The following AUTS2 variants were observed in gnomAD, a reference collection of about 807,000 sequenced individuals.
AUTS2 encodes activator of transcription and developmental regulator AUTS2, also known as autism susceptibility gene 2 protein.
Under a neutral mutation model 112.4 loss-of-function variants are expected in AUTS2, and 17 were observed. That is an observed-to-expected ratio of 0.15 (90% CI 0.10 to 0.23). The LOEUF is 0.23. Among genes scored for constraint, AUTS2 ranks in the 10% least tolerant of loss-of-function variants. AUTS2 has a pLI of 1.00. For missense variants in AUTS2, 1,510 were observed against 1,701.6 expected (o/e 0.89, Z 1.98); for synonymous variants, 751 against 702.7 (o/e 1.07, Z -1.09).
chr7:70,082,790 G>A lies in AUTS2; in HGVS notation c.523-35342G>A, dbSNP rs574215956. Among the ~76,000 whole-genome samples the A allele has an allele frequency of 7.9e-5, 12 of 152,094 alleles. No homozygotes were observed. In the East Asian group the frequency reaches 1.2e-3, roughly 15 times the overall value. ...GTACCTTCTTGCCTCCTATTCAGCC[G>A]TTAACTGTTTTGTACTGACTTGGTC... On this transcript the variant is annotated intron_variant, in intron 2 of 18. Transcript: ENST00000342771.
intron 10 of AUTS2, among the ~76,000 whole-genome samples, chr7:70,768,595 C>CACTT (rs1430746947): frequency 6.6e-6 from 1 of 152,030 alleles, no homozygotes; most frequent in Non-Finnish European, 1.5e-5. Flanking sequence ...GTAAAAATAT[C>CACTT]ACTTAATTAA....
intron 1 of AUTS2, among the ~76,000 whole-genome samples, chr7:69,685,480 C>A (rs556776631): frequency 6.6e-6 from 1 of 152,256 alleles, no homozygotes; most frequent in East Asian, 1.9e-4. Flanking sequence ...GTTTGGCCAC[C>A]ATCTAGTCTT....
chr7:70,601,220 A>G (rs1803457211), intron 5 of AUTS2, among the ~76,000 whole-genome samples: 2 of 152,244 alleles, frequency 1.3e-5, no homozygotes, highest in South Asian at 4.1e-4. Context: ...ATTCTAGTGA[A>G]TGTGAAGTGG....
At chr7:70,470,117 C>A (rs1296495254) in intron 5 of AUTS2, among the ~76,000 whole-genome samples, 3 of 152,200 alleles carry the variant, frequency 2.0e-5, no homozygotes, top group African/African-American at 7.2e-5. Context: ...GAGGAAAAAA[C>A]TAACAGTATT....
chr7:69,975,922 A>G (rs773915437), intron 2 of AUTS2, among the ~76,000 whole-genome samples: 12 of 152,114 alleles, frequency 7.9e-5, no homozygotes, highest in Non-Finnish European at 1.5e-4. Context: ...TCCTGACCTC[A>G]GGTGATCCGC....
chr7:70,709,910 C>CT (rs1809956749), intron 6 of AUTS2, among the ~76,000 whole-genome samples: 1 of 152,120 alleles, frequency 6.6e-6, no homozygotes, highest in Non-Finnish European at 1.5e-5. Context: ...GAGATTGCAT[C>CT]TGTGTAAGAA....
chr7:69,648,002 T>C (rs1795110115), intron 1 of AUTS2, among the ~76,000 whole-genome samples: 1 of 152,208 alleles, frequency 6.6e-6, no homozygotes, highest in African/African-American at 2.4e-5. Flanking sequence ...TAATCCAGTA[T>C]GCCCTCGTTT....
At position 70,791,124 on chromosome 7, in the gene AUTS2, A is replaced by C. The variant is rs946018468; in HGVS notation, c.*128A>C. On this transcript the variant is annotated 3_prime_UTR_variant, in exon 19 of 19. Transcript: ENST00000342771. The stretch of plus-strand genomic sequence containing the variant: ...AAGCCCCACCCCTTCCCCTTGTAAA[A>C]AATGTATAGACTCAGTGCACATTTT... 1.1e-6 allele frequency: 1 copy of C among 943,638 alleles called. No individual in the cohort carries two copies. The highest frequency in any genetic ancestry group is 1.4e-6 in the Non-Finnish European group (1 of 704,454). 58.5% of individuals were successfully genotyped at this position (943,638 alleles called of 1,614,324 possible). A position where few individuals can be genotyped will look rare whatever the true frequency, so the allele number is the denominator to read the frequency against.
At chr7:70,138,596 G>A (rs1806692852) in intron 4 of AUTS2, among the ~76,000 whole-genome samples, 1 of 152,064 alleles carries the variant, frequency 6.6e-6, no homozygotes, top group Non-Finnish European at 1.5e-5. Flanking sequence ...TTTCTCTTAA[G>A]GATTCTCAAC....
chr7:70,364,200 T>A (rs1480857546), intron 4 of AUTS2, among the ~76,000 whole-genome samples: 2 of 151,774 alleles, frequency 1.3e-5, no homozygotes, highest in Non-Finnish European at 2.9e-5. Flanking sequence ...GTTGTCTAGA[T>A]TGGAAAAAAA....
rs147992364 is a variant in AUTS2 at position 69,948,668 on chromosome 7, T to G, written c.522+49170T>G. Among the ~76,000 whole-genome samples, 1,044 of 152,266 alleles carry G rather than the reference T, an allele frequency of 6.9e-3. 3 individuals carry two copies. The highest frequency in any genetic ancestry group is 0.012 in the Non-Finnish European group (825 of 68,008). On this transcript the variant is annotated intron_variant, in intron 2 of 18. Coordinates refer to ENST00000342771, the MANE Select transcript of AUTS2 (RefSeq NM_015570.4). ...CTTTAACTCTTCTGTGCTAAGATTT[T>G]TATTTAAAAACAAGGAAATTGAGAC...
At chr7:70,781,927 T>C (rs1055615437) in intron 15 of AUTS2, 171 bp downstream of exon 15, 3 of 718,412 alleles carry the variant, frequency 4.2e-6, no homozygotes, top group African/African-American at 3.6e-5. Flanking sequence ...GAATCTTCAT[T>C]GATACACTCT....
In AUTS2 at chr7:70,321,038, G is replaced by A. The variant is rs537891033; in HGVS notation, c.661-114714G>A. Among the ~76,000 whole-genome samples, 6 of 152,250 alleles carry A rather than the reference G, an allele frequency of 3.9e-5. No homozygotes were observed. In the South Asian group the frequency reaches 6.2e-4, roughly 16 times the overall value. On this transcript the variant is annotated intron_variant, in intron 4 of 18. Coordinates refer to ENST00000342771, the MANE Select transcript of AUTS2 (RefSeq NM_015570.4). ...TGCTGGCGTATCTTAACAACATGACGACATTTACCAAATGAATGACTGCTT... is the reference window on the plus strand; with the variant it reads ...TGCTGGCGTATCTTAACAACATGACAACATTTACCAAATGAATGACTGCTT...
rs570773154 is a variant in AUTS2, at chr7:69,852,076, G to A, written c.310-47210G>A. Among the ~76,000 whole-genome samples, 7 of 152,166 alleles carry A rather than the reference G, an allele frequency of 4.6e-5. No individual in the cohort carries two copies. In the East Asian group the frequency reaches 1.2e-3, roughly 25 times the overall value. ...CCAAATCTGAAGTGAACAAGCATTA[G>A]GTCTTTCCCTACTAAATTTGATGTT... is the stretch of plus-strand genomic sequence containing the variant. On this transcript the variant is annotated intron_variant, in intron 1 of 18. Coordinates refer to ENST00000342771, the MANE Select transcript of AUTS2 (RefSeq NM_015570.4).
chr7:70,044,611 A>C (rs1276651351), intron 2 of AUTS2, among the ~76,000 whole-genome samples: 1 of 152,198 alleles, frequency 6.6e-6, no homozygotes, highest in East Asian at 1.9e-4. Flanking sequence ...TGGTAGGGTT[A>C]ATGTGTACTT....
intron 5 of AUTS2, among the ~76,000 whole-genome samples, chr7:70,467,338 G>T (rs534253583): frequency 9.2e-5 from 14 of 152,264 alleles, no homozygotes; most frequent in Non-Finnish European, 1.8e-4. Flanking sequence ...CTCCACAAGG[G>T]TTTAAGCTTC....
At chr7:69,700,245 A>G (rs1446866355) in intron 1 of AUTS2, among the ~76,000 whole-genome samples, 1 of 152,148 alleles carries the variant, frequency 6.6e-6, no homozygotes, top group Non-Finnish European at 1.5e-5. Flanking sequence ...ACTATGTCCA[A>G]GATCTGATAG....
In AUTS2 at chr7:70,428,749, A is replaced by G. The variant is rs376869380; in HGVS notation, c.661-7003A>G. 2.7e-4 allele frequency among the ~76,000 whole-genome samples: 41 copies of G among 152,314 alleles called. No individual in the cohort carries two copies. In the East Asian group the frequency reaches 6.0e-3, roughly 22 times the overall value. Reference sequence around the variant, plus strand: ...GGTCCATTGAGCAGAATAGAGAGCAATGCCCTCCTCAATGTCATTGTATGT... The same window carrying G: ...GGTCCATTGAGCAGAATAGAGAGCAGTGCCCTCCTCAATGTCATTGTATGT... On this transcript the variant is annotated intron_variant, in intron 4 of 18. Coordinates refer to ENST00000342771, the MANE Select transcript of AUTS2 (RefSeq NM_015570.4).
At chr7:69,765,177 T>C (rs1319428559) in intron 1 of AUTS2, among the ~76,000 whole-genome samples, 2 of 152,204 alleles carry the variant, frequency 1.3e-5, no homozygotes, top group Non-Finnish European at 2.9e-5. Context: ...CAATCCAAAA[T>C]TGTCAACATA....
Sources: gnomAD v4.1 joint callset for allele counts (sites outside exome capture counted in the v4.1 genomes callset) on GRCh38, gnomAD v4.1.1 for gene constraint, MANE v1.5 for transcripts, NCBI Gene and HGNC (gene_info 2026-07-23, HGNC 2026-07-21) for gene names.